NCAM1: variants seen among roughly 807,000 people sequenced by gnomAD.
The protein encoded by NCAM1 is antigen recognized by monoclonal antibody 5.1H11.
NCAM1 carries 14 observed loss-of-function variants against 109.8 expected under a neutral mutation model. The observed-to-expected ratio is 0.13, with a 90% CI of 0.08 to 0.20. The LOEUF is 0.20. Among genes scored for constraint, NCAM1 ranks in the 10% least tolerant of loss-of-function variants. NCAM1 has a pLI of 1.00. For synonymous variants in NCAM1, 418 were observed against 442.9 expected (o/e 0.94, Z 0.70); for missense variants, 774 against 1,109.9 (o/e 0.70, Z 4.30).
intron 1 of NCAM1, among the ~76,000 whole-genome samples, chr11:112,992,802 C>T (rs539315965): frequency 2.0e-5 from 3 of 152,146 alleles, no homozygotes; most frequent in South Asian, 2.1e-4. Flanking sequence ...CCACCGCACC[C>T]GGCCTGAAAA....
At position 113,207,842 on chromosome 11, in the gene NCAM1, A is replaced by G. The variant is rs1555113124; in HGVS notation, c.756A>G (p.Glu252=). The change falls in exon 7 of 20, where the codon GAA becomes GAG. Residue 252 remains glutamate (E), a synonymous_variant. Transcript: ENST00000316851. The stretch of plus-strand genomic sequence containing the variant: ...TTTCTACATGCTCTAGGGATGGGGA[A>G]CAGATAGAGCAAGAGGAAGACGATG... The part of the protein sequence containing the change: ...EPTMSWTKDG[E]QIEQEEDDEK... 3.1e-6 allele frequency: 5 copies of G among 1,610,248 alleles called. No homozygotes were observed. The highest frequency in any genetic ancestry group is 1.1e-5 in the South Asian group (1 of 89,938).
intron 1 of NCAM1, among the ~76,000 whole-genome samples, chr11:113,081,483 C>T (rs1238710318): frequency 2.6e-5 from 4 of 152,218 alleles, no homozygotes; most frequent in Non-Finnish European, 5.9e-5. Flanking sequence ...AGGCCACAGA[C>T]AGTGGTCTGC....
At chr11:113,193,167 T>A (rs984957817) in intron 1 of NCAM1, among the ~76,000 whole-genome samples, 1 of 152,112 alleles carries the variant, frequency 6.6e-6, no homozygotes, top group East Asian at 1.9e-4. Flanking sequence ...CTGGAAAGCA[T>A]TCTCGTCTTC....
Position 113,243,620 on chromosome 11 carries a change from G to T in NCAM1, c.1826-2748G>T, listed in dbSNP as rs782026190. On this transcript the variant is annotated intron_variant, in intron 14 of 19. Coordinates refer to ENST00000316851, the MANE Select transcript of NCAM1 (RefSeq NM_181351.5). ...TCTTCATAATGCTCTAATGAAGTAA[G>T]ATGTGTGTGGAGGACCTGAATCTCC... The T allele has an allele frequency of 6.8e-5, 35 of 518,420 alleles. No individual in the cohort carries two copies. The Admixed American group carries it at 6.8e-4, about 10-fold the overall frequency. The allele number at this position is 518,420 out of a possible 1,614,324, so 32.1% of individuals were successfully genotyped here.
chr11:113,134,433 G>A (rs138409793), intron 1 of NCAM1, among the ~76,000 whole-genome samples: 3 of 152,150 alleles, frequency 2.0e-5, no homozygotes, highest in Admixed American at 1.3e-4. Flanking sequence ...CTGGGTCGCC[G>A]TGAACATGTG....
intron 1 of NCAM1, among the ~76,000 whole-genome samples, chr11:113,070,684 G>A (rs896550802): frequency 1.3e-5 from 2 of 152,146 alleles, no homozygotes; most frequent in East Asian, 1.9e-4. Flanking sequence ...ATAGGAATAC[G>A]AATAAATTTG....
At chr11:113,074,778 C>T (rs1293807702) in intron 1 of NCAM1, among the ~76,000 whole-genome samples, 2 of 152,030 alleles carry the variant, frequency 1.3e-5, no homozygotes, top group African/African-American at 4.8e-5. Flanking sequence ...ATTACAGGCC[C>T]ATGCCACCAT....
chr11:113,082,880 A>G (rs1164963477), intron 1 of NCAM1, among the ~76,000 whole-genome samples: 3 of 152,328 alleles, frequency 2.0e-5, no homozygotes, highest in Non-Finnish European at 4.4e-5. Flanking sequence ...CTCTTGCGTC[A>G]TCAAATTATG....
chr11:113,100,947 A>T (rs1447730169), intron 1 of NCAM1, among the ~76,000 whole-genome samples: 2 of 152,030 alleles, frequency 1.3e-5, no homozygotes, highest in African/African-American at 4.8e-5. Context: ...TCTCTAGATG[A>T]CCCTTTCTGG....
intron 1 of NCAM1, among the ~76,000 whole-genome samples, chr11:113,039,670 G>A (rs1953008169): frequency 6.6e-6 from 1 of 152,044 alleles, no homozygotes; most frequent in African/African-American, 2.4e-5. Context: ...TTATTTGTCT[G>A]GGGCCTAGAC....
chr11:113,258,489 G>A (rs1945887559), intron 16 of NCAM1, among the ~76,000 whole-genome samples: 1 of 152,172 alleles, frequency 6.6e-6, no homozygotes. Flanking sequence ...ACTATAGAAG[G>A]GAAAGATCAT....
At chr11:113,256,924 T>A (rs897483214) in intron 16 of NCAM1, among the ~76,000 whole-genome samples, 1 of 152,192 alleles carries the variant, frequency 6.6e-6, no homozygotes, top group Non-Finnish European at 1.5e-5. Context: ...GAAGACTTTT[T>A]CTGGGAAGCT....
rs782098934 is a variant in NCAM1, at chr11:113,063,314, G to A, written c.52+101650G>A. Among the ~76,000 whole-genome samples, 25 of 152,174 alleles carry A rather than the reference G, an allele frequency of 1.6e-4. 1 individual carries two copies. Among genetic ancestry groups the A allele is most frequent in the Non-Finnish European group, 2.6e-4 (18 of 68,034 alleles). ...GGTACACAGCTGGGTGTGGCCTGCC[G>A]TTAATGCCGAGATAGCCTTCCTCCC... On this transcript the variant is annotated intron_variant, in intron 1 of 19. Transcript: ENST00000316851.
chr11:112,995,197 C>A (rs1261587580), intron 1 of NCAM1, among the ~76,000 whole-genome samples: 1 of 152,112 alleles, frequency 6.6e-6, no homozygotes, highest in African/African-American at 2.4e-5. Context: ...TACCCCCCGC[C>A]ACTGGAATAC....
chr11:113,181,616 T>A lies in NCAM1; in HGVS notation c.53-20763T>A, dbSNP rs189624730. 7.8e-4 allele frequency among the ~76,000 whole-genome samples: 119 copies of A among 152,248 alleles called. 1 individual carries two copies. In the Middle Eastern group the frequency reaches 0.017, roughly 22 times the overall value. On this transcript the variant is annotated intron_variant, in intron 1 of 19. Coordinates refer to ENST00000316851, the MANE Select transcript of NCAM1 (RefSeq NM_181351.5). ...GATTGATCTGTGCAGCAAACCACCA[T>A]GGCGCATGTTTACCTATGCAACAAA...
At chr11:113,159,253 G>A (rs535137433) in intron 1 of NCAM1, among the ~76,000 whole-genome samples, 40 of 152,076 alleles carry the variant, frequency 2.6e-4, no homozygotes, top group African/African-American at 8.0e-4. Flanking sequence ...CATAAATATC[G>A]TAGTTGATAA....
intron 1 of NCAM1, among the ~76,000 whole-genome samples, chr11:113,062,469 T>A (rs981866997): frequency 2.0e-5 from 3 of 152,170 alleles, no homozygotes; most frequent in African/African-American, 7.2e-5. Flanking sequence ...AACCAACGTG[T>A]TATCTGCCCT....
At chr11:113,144,740 T>C (rs1331831730) in intron 1 of NCAM1, among the ~76,000 whole-genome samples, 4 of 152,240 alleles carry the variant, frequency 2.6e-5, no homozygotes, top group Admixed American at 1.3e-4. Flanking sequence ...AAAGCTATGA[T>C]TTCTGCACTG....
chr11:113,205,820 G>C lies in NCAM1; in HGVS notation c.490+154G>C, dbSNP rs202238052. ...GGTCCTGAATAGATGCATATCTGAA[G>C]TTGGTATACTTAGGTACCTGATTTT... On this transcript the variant is annotated intron_variant, in intron 4 of 19. Transcript: ENST00000316851. Among the ~76,000 whole-genome samples the C allele has an allele frequency of 2.0e-5, 3 of 152,166 alleles. No homozygotes were observed. The East Asian group carries it at 5.8e-4, about 29-fold the overall frequency.
Sources: allele counts gnomAD v4.1 joint callset (sites outside exome capture counted in the v4.1 genomes callset), GRCh38; gene constraint gnomAD v4.1.1; transcripts MANE v1.5; gene names NCBI Gene and HGNC (gene_info 2026-07-23, HGNC 2026-07-21).